Variants in CEP128 observed in about 807,000 individuals in gnomAD.
The protein encoded by CEP128 is centrosomal protein 128kDa.
CEP128 carries 132 observed loss-of-function variants against 156.7 expected under a neutral mutation model. The ratio of observed to expected loss-of-function variants is 0.84; its 90% CI spans 0.73 to 0.97. The LOEUF is 0.97. CEP128 is among the 50% of genes least tolerant of loss of function. The pLI is 0.00. For missense variants in CEP128, 1,252 were observed against 1,281.9 expected (o/e 0.98, Z 0.36); for synonymous variants, 469 against 448.9 (o/e 1.04, Z -0.57).
chr14:80,716,019 A>T (rs1369673033), intron 19 of CEP128, among the ~76,000 whole-genome samples: 1 of 152,222 alleles, frequency 6.6e-6, no homozygotes, highest in African/African-American at 2.4e-5. Flanking sequence ...GATGAATGTA[A>T]GAGTGGAGAC....
chr14:80,744,021 C>G (rs114006456), intron 18 of CEP128, among the ~76,000 whole-genome samples: 2,180 of 152,016 alleles, frequency 0.014, 27 homozygotes, highest in African/African-American at 0.023. Flanking sequence ...CAGGTACACA[C>G]CACCATGTCT....
At chr14:80,668,966 T>C (rs1323746598) in intron 19 of CEP128, among the ~76,000 whole-genome samples, 2 of 152,202 alleles carry the variant, frequency 1.3e-5, no homozygotes, top group Non-Finnish European at 2.9e-5. Flanking sequence ...TCTACCATGA[T>C]TGTGAGGCCT....
Position 80,522,083 on chromosome 14 carries a change from A to C in CEP128, c.3072+4786T>G, listed in dbSNP as rs144472887. On this transcript the variant is annotated intron_variant, in intron 23 of 24. Coordinates refer to ENST00000555265, the MANE Select transcript of CEP128 (RefSeq NM_152446.5). The stretch of plus-strand genomic sequence containing the variant: ...CTCAAATCCTCCCATGGTTGCCACT[A>C]CTATTCCTAAGCAATATCTGTAAAA... Among the ~76,000 whole-genome samples, 1,285 of 152,316 alleles carry C rather than the reference A, an allele frequency of 8.4e-3. 3 individuals are homozygous for C. Among genetic ancestry groups the C allele is most frequent in the Non-Finnish European group, 0.014 (938 of 68,026 alleles).
At chr14:80,936,060 C>T (rs956112203) in intron 2 of CEP128, among the ~76,000 whole-genome samples, 1 of 152,206 alleles carries the variant, frequency 6.6e-6, no homozygotes, top group Non-Finnish European at 1.5e-5. Context: ...GTCCACCCTG[C>T]TCCAGCACTT....
intron 19 of CEP128, among the ~76,000 whole-genome samples, chr14:80,705,544 T>C (rs35178479): frequency 0.37 from 55,950 of 151,990 alleles, 12,633 homozygotes; most frequent in Non-Finnish European, 0.5. Flanking sequence ...AAAGTGGGGC[T>C]GGGAATGGGG....
rs186756067 is a variant in CEP128, at chr14:80,528,079, G to A, written c.2959-1097C>T. Among the ~76,000 whole-genome samples the A allele has an allele frequency of 2.2e-3, 336 of 151,914 alleles. 3 individuals carry two copies. The highest frequency in any genetic ancestry group is 4.7e-3 in the Admixed American group (72 of 15,266). ...AACCTTAAACTTACTGAGTGTTCAA[G>A]CTAGAAGGGGTATTATAATTCCAAA... is the stretch of plus-strand genomic sequence containing the variant. On this transcript the variant is annotated intron_variant, in intron 22 of 24. Transcript: ENST00000555265.
At chr14:80,684,294 T>A (rs1391121465) in intron 19 of CEP128, among the ~76,000 whole-genome samples, 1 of 151,882 alleles carries the variant, frequency 6.6e-6, no homozygotes, top group Non-Finnish European at 1.5e-5. Flanking sequence ...ATACAGAAGA[T>A]CTTCAGAGAG....
intron 9 of CEP128, among the ~76,000 whole-genome samples, chr14:80,861,897 T>C (rs1367482948): frequency 6.6e-6 from 1 of 152,176 alleles, no homozygotes; most frequent in Non-Finnish European, 1.5e-5. Context: ...CACAGATAAG[T>C]ATGTATATCA....
chr14:80,915,462 C>G (rs957380421), intron 3 of CEP128, among the ~76,000 whole-genome samples: 1 of 152,222 alleles, frequency 6.6e-6, no homozygotes, highest in African/African-American at 2.4e-5. Context: ...CCATTCTTAG[C>G]CAGGCTAAGG....
intron 12 of CEP128, among the ~76,000 whole-genome samples, chr14:80,836,001 G>A (rs1334557453): frequency 1.3e-5 from 2 of 152,166 alleles, no homozygotes; most frequent in African/African-American, 4.8e-5. Context: ...TAACCCAAAT[G>A]GGTTTGAACC....
intron 2 of CEP128, among the ~76,000 whole-genome samples, chr14:80,919,697 T>TA (rs1053815009): frequency 1.3e-5 from 2 of 151,976 alleles, no homozygotes; most frequent in Non-Finnish European, 2.9e-5. Flanking sequence ...TTACTGGTAT[T>TA]AAAAAAAATT....
chr14:80,915,803 C>A (rs2139502661), intron 3 of CEP128, among the ~76,000 whole-genome samples: 1 of 152,342 alleles, frequency 6.6e-6, no homozygotes, highest in Middle Eastern at 3.4e-3. Context: ...TACCCTAAAA[C>A]ACTCTCCACC....
chr14:80,482,248 T>C (rs1432831629), intron 14 of CEP128, among the ~76,000 whole-genome samples: 1 of 152,238 alleles, frequency 6.6e-6, no homozygotes, highest in Non-Finnish European at 1.5e-5. Context: ...CACTGATTGG[T>C]GGTGTCTTTT....
chr14:80,509,553 G>A (rs1888147265), intron 23 of CEP128, among the ~76,000 whole-genome samples: 1 of 152,036 alleles, frequency 6.6e-6, no homozygotes, highest in South Asian at 2.1e-4. Flanking sequence ...CTTATTAGAT[G>A]GATAGTTTGC....
At chr14:80,585,108 TACTC>T (rs1411879304) in intron 19 of CEP128, among the ~76,000 whole-genome samples, 2 of 152,228 alleles carry the variant, frequency 1.3e-5, no homozygotes, top group African/African-American at 4.8e-5. Context: ...AATGAGCTGA[TACTC>T]ACTCATTATG....
chr14:80,779,083 G>A (rs989357569), intron 15 of CEP128, among the ~76,000 whole-genome samples: 1 of 152,130 alleles, frequency 6.6e-6, no homozygotes, highest in Non-Finnish European at 1.5e-5. Flanking sequence ...AATATCATTA[G>A]GTTTTAAAAA....
chr14:80,743,678 C>T (rs991663944), intron 18 of CEP128, among the ~76,000 whole-genome samples: 1 of 151,990 alleles, frequency 6.6e-6, no homozygotes, highest in African/African-American at 2.4e-5. Context: ...GATAAAATTC[C>T]TAGCATGACT....
intron 12 of CEP128, among the ~76,000 whole-genome samples, chr14:80,834,174 T>C (rs1031997857): frequency 1.3e-5 from 2 of 152,104 alleles, no homozygotes; most frequent in African/African-American, 2.4e-5. Context: ...AGTAGGATAG[T>C]AGGCAAAACC....
At chr14:80,800,336 A>G (rs1315649889) in intron 13 of CEP128, among the ~76,000 whole-genome samples, 1 of 152,372 alleles carries the variant, frequency 6.6e-6, no homozygotes, top group South Asian at 2.1e-4. Context: ...TAACTGACAC[A>G]TTTTAGGAAC....
Sources: gnomAD v4.1 joint callset for allele counts (sites outside exome capture counted in the v4.1 genomes callset) on GRCh38, gnomAD v4.1.1 for gene constraint, MANE v1.5 for transcripts, NCBI Gene and HGNC (gene_info 2026-07-23, HGNC 2026-07-21) for gene names.